The following CCDC171 variants were observed in gnomAD, a reference collection of about 807,000 sequenced individuals.
CCDC171 encodes the protein coiled-coil domain containing 171.
A neutral mutation model predicts 168.2 loss-of-function variants in CCDC171; 177 were observed. That is an observed-to-expected ratio of 1.05 (90% CI 0.93 to 1.19). The LOEUF (loss-of-function observed/expected upper bound fraction) is 1.19. Among genes scored for constraint, CCDC171 ranks in the 50% most tolerant of loss-of-function variants. The pLI is 0.00. For missense variants in CCDC171, 1,991 were observed against 1,539.0 expected, an observed-to-expected ratio of 1.29 and a Z score of -4.91; for synonymous variants, 687 against 540.8, an observed-to-expected ratio of 1.27 and a Z score of -3.75.
chr9:15,637,004 C>G (rs1352899523), intron 7 of CCDC171, among the ~76,000 whole-genome samples: 4 of 151,886 alleles, frequency 2.6e-5, no homozygotes, highest in Non-Finnish European at 5.9e-5. Context: ...GCCTGTAATC[C>G]CAGCACTTTG....
intron 25 of CCDC171, among the ~76,000 whole-genome samples, chr9:15,934,854 C>T (rs895150298): frequency 6.6e-6 from 1 of 152,008 alleles, no homozygotes; most frequent in Non-Finnish European, 1.5e-5. Flanking sequence ...ATACGTGTTA[C>T]AACATGGATG....
In CCDC171 at chr9:15,604,489, C is replaced by T. The variant is rs139272494; in HGVS notation, c.675+10317C>T. 9.5e-3 allele frequency among the ~76,000 whole-genome samples: 1,451 copies of T among 152,228 alleles called. 10 individuals are homozygous for T. The highest frequency in any genetic ancestry group is 0.037 in the Middle Eastern group (11 of 294). ...ATATGTTTTCATTTTTATTTCATTT[C>T]CAAAATTCTATACCTCAACCAGGGA... On this transcript the variant is annotated intron_variant, in intron 6 of 25. Transcript: ENST00000380701.
intron 7 of CCDC171, among the ~76,000 whole-genome samples, chr9:15,650,767 A>G (rs910679905): frequency 1.3e-5 from 2 of 152,108 alleles, no homozygotes; most frequent in African/African-American, 4.8e-5. Context: ...TTTATGGGGT[A>G]CATGTGTTTT....
chr9:15,948,914 T>C (rs1305496070), intron 25 of CCDC171, among the ~76,000 whole-genome samples: 2 of 152,174 alleles, frequency 1.3e-5, no homozygotes, highest in Non-Finnish European at 2.9e-5. Context: ...ATGTCCTGAA[T>C]GGTAATGCCT....
At chr9:15,932,891 C>A (rs1375279889) in intron 25 of CCDC171, among the ~76,000 whole-genome samples, 1 of 151,908 alleles carries the variant, frequency 6.6e-6, no homozygotes, top group Non-Finnish European at 1.5e-5. Flanking sequence ...TGGTATATCA[C>A]AGTTATGGAT....
At chr9:15,958,644 A>T (rs1304999463) in intron 25 of CCDC171, among the ~76,000 whole-genome samples, 1 of 151,766 alleles carries the variant, frequency 6.6e-6, no homozygotes. Flanking sequence ...AGTTAACGTG[A>T]TGAAGAAGCC....
At chr9:15,751,499 G>A (rs983042301) in intron 18 of CCDC171, among the ~76,000 whole-genome samples, 6 of 152,124 alleles carry the variant, frequency 3.9e-5, no homozygotes, top group African/African-American at 1.4e-4. Flanking sequence ...AAAGCTGGAG[G>A]TGTCAGGCTG....
intron 4 of CCDC171, among the ~76,000 whole-genome samples, chr9:15,581,917 CA>C: frequency 6.6e-6 from 1 of 152,174 alleles, no homozygotes; most frequent in Non-Finnish European, 1.5e-5. Context: ...CAACAAAAGC[CA>C]AAATAGACAA....
chr9:16,066,460 CT>C (rs112524958), downstream of CCDC171, among the ~76,000 whole-genome samples: 15,819 of 144,608 alleles, frequency 0.11, 1,066 homozygotes, highest in Middle Eastern at 0.16. Context: ...TTTTTCTTTT[CT>C]TTTTTTTTTT....
chr9:15,643,906 C>G (rs2046833300), intron 7 of CCDC171, among the ~76,000 whole-genome samples: 1 of 152,122 alleles, frequency 6.6e-6, no homozygotes, highest in Admixed American at 6.5e-5. Flanking sequence ...TTTATTGGTA[C>G]TTCATTCCAT....
intron 10 of CCDC171, among the ~76,000 whole-genome samples, chr9:15,691,974 T>G: frequency 6.6e-6 from 1 of 152,166 alleles, no homozygotes; most frequent in Non-Finnish European, 1.5e-5. Context: ...GCACCCAGCC[T>G]TTCACTGACC....
intron 3 of CCDC171, among the ~76,000 whole-genome samples, chr9:16,003,067 C>G (rs768185267): frequency 3.3e-5 from 5 of 152,226 alleles, no homozygotes; most frequent in Non-Finnish European, 7.3e-5. Flanking sequence ...AATGTTCATA[C>G]TGCTTACTCA....
At chr9:15,568,166 G>A (rs1190825799) in intron 2 of CCDC171, among the ~76,000 whole-genome samples, 1 of 151,270 alleles carries the variant, frequency 6.6e-6, no homozygotes, top group South Asian at 2.1e-4. Flanking sequence ...TCAGAATCAT[G>A]TCCTTTGTAA....
chr9:16,079,647 C>T, the CCDC171 span, among the ~76,000 whole-genome samples: 1 of 152,242 alleles, frequency 6.6e-6, no homozygotes, highest in Non-Finnish European at 1.5e-5. Flanking sequence ...AATCTGCCAA[C>T]ACTTTGCTTT....
chr9:15,617,464 C>T (rs1009309803), intron 6 of CCDC171, among the ~76,000 whole-genome samples: 1 of 151,466 alleles, frequency 6.6e-6, no homozygotes, highest in Admixed American at 6.6e-5. Context: ...GCAAGCTCCG[C>T]CTCCTGGGTT....
In CCDC171 at chr9:15,724,932, A is replaced by G; in HGVS notation, c.1648A>G (p.Ser550Gly). The G allele has an allele frequency of 1.9e-6, 3 of 1,613,982 alleles. No individual in the cohort carries two copies. In the South Asian group the frequency reaches 3.3e-5, roughly 18 times the overall value. Residue 550 changes from serine to glycine, a missense_variant, in exon 14 of 26, where the codon AGT becomes GGT. By Grantham distance (56) the Ser-to-Gly change is moderately conservative (BLOSUM62 0). Coordinates refer to ENST00000380701, the MANE Select transcript of CCDC171 (RefSeq NM_173550.4). The stretch of plus-strand genomic sequence containing the variant: ...AAAGGCTCAGGCAGCCCAGTCTGAA[A>G]GTGAACTGCAGAAGCTTTCCCAGGC... ...KEKAQAAQSE[S>G]ELQKLSQAFH...
intron 23 of CCDC171, among the ~76,000 whole-genome samples, chr9:15,870,129 CAG>C (rs2061972975): frequency 1.6e-5 from 1 of 60,818 alleles, no homozygotes. Context: ...TTATAATAGA[CAG>C]TGGGCTGGAT....
At chr9:15,799,629 ACT>A (rs981883181) in intron 21 of CCDC171, among the ~76,000 whole-genome samples, 1 of 151,632 alleles carries the variant, frequency 6.6e-6, no homozygotes, top group African/African-American at 2.4e-5. Context: ...ATCCAATTAT[ACT>A]CTTTCAGTTA....
intron 24 of CCDC171, chr9:15,886,823 C>T (rs1216833048): frequency 2.0e-5 from 3 of 151,618 alleles, no homozygotes; most frequent in African/African-American, 7.3e-5. Context: ...AAAGGAAATC[C>T]TGCAATGTGC....
Sources: gnomAD v4.1 joint callset for allele counts (sites outside exome capture counted in the v4.1 genomes callset) on GRCh38, gnomAD v4.1.1 for gene constraint, MANE v1.5 for transcripts, NCBI Gene and HGNC (gene_info 2026-07-23, HGNC 2026-07-21) for gene names.